CRLF1: variants seen among roughly 807,000 people sequenced by gnomAD.
CRLF1 encodes cytokine receptor like factor 1, also known as cytokine receptor-like factor 1.
CRLF1 carries 36 observed loss-of-function variants against 48.9 expected under a neutral mutation model. That is an observed-to-expected ratio of 0.74 (90% CI 0.56 to 0.97). The LOEUF (loss-of-function observed/expected upper bound fraction) is 0.97, where lower values mean the gene tolerates loss of function less well. Among genes scored for constraint, CRLF1 ranks in the 50% least tolerant of loss-of-function variants. The pLI, the probability that CRLF1 is intolerant of heterozygous loss-of-function variation, is 0.00. For missense variants in CRLF1, 534 were observed against 575.1 expected, an observed-to-expected ratio of 0.93 and a Z score of 0.73; for synonymous variants, 256 against 253.4, an observed-to-expected ratio of 1.01 and a Z score of -0.10.
In CRLF1 at chr19:18,598,593, C is replaced by T. The variant is rs754151928; in HGVS notation, c.536G>A (p.Gly179Asp). The change falls in exon 4 of 9, where the codon GGC (glycine) becomes GAC (aspartate). Residue 179 changes from glycine to aspartate, a missense_variant. Around this residue, in one of 2 missense-constraint regions of CRLF1, gnomAD observed 528 missense variants for 555.7 expected, o/e 0.95. Coordinates refer to ENST00000392386, the MANE Select transcript of CRLF1 (RefSeq NM_004750.5). ...YSLKYKLRWY[G>D]QDNTCEEYHT... ...GTACTCCTCACATGTGTTGTCCTGG[C>T]CATACCACCTGCGGGGATGGGAGGG... The T allele has an allele frequency of 3.1e-6, 5 of 1,613,990 alleles. No individual in the cohort carries two copies. The highest frequency in any genetic ancestry group is 4.2e-6 in the Non-Finnish European group (5 of 1,179,952).
intron 6 of CRLF1, among the ~76,000 whole-genome samples, chr19:18,596,230 T>C (rs1046040866): frequency 2.0e-5 from 3 of 152,128 alleles, no homozygotes; most frequent in Admixed American, 2.0e-4. Context: ...TTGAGACTTC[T>C]ACTCTCTTGG....
intron 6 of CRLF1, among the ~76,000 whole-genome samples, chr19:18,596,082 G>A (rs1227157263): frequency 6.6e-6 from 1 of 152,152 alleles, no homozygotes; most frequent in Non-Finnish European, 1.5e-5. Context: ...ATTTTTCTAG[G>A]GAATCTAGGA....
In CRLF1 at chr19:18,596,610, G is replaced by A. The variant is rs749087012; in HGVS notation, c.1024+12C>T. On this transcript the variant is annotated intron_variant, in intron 6 of 8. Coordinates refer to ENST00000392386, the MANE Select transcript of CRLF1 (RefSeq NM_004750.5). ...TGGCCGCTGGATCACCCAGCCCTAG[G>A]AGGGTGCTCACCACTGCGGGGAGTG... is the stretch of plus-strand genomic sequence containing the variant. 4 of 1,613,862 alleles carry A rather than the reference G, an allele frequency of 2.5e-6. No individual in the cohort carries two copies. The Admixed American group carries it at 5.0e-5, about 20-fold the overall frequency.
intron 8 of CRLF1, 33 bp downstream of exon 8, chr19:18,594,032 T>TGGGGCACC: frequency 2.9e-6 from 2 of 695,810 alleles, no homozygotes; most frequent in Non-Finnish European, 4.4e-6. Context: ...CTCCCCTTGC[T>TGGGGCACC]CCCTCCCGCC....
At chr19:18,602,576 C>G (rs1976233978) in intron 1 of CRLF1, among the ~76,000 whole-genome samples, 1 of 151,620 alleles carries the variant, frequency 6.6e-6, no homozygotes, top group Non-Finnish European at 1.5e-5. Context: ...CATGACTGCA[C>G]CACTGCACTC....
chr19:18,596,533 A>G (rs78616489), intron 6 of CRLF1, 89 bp downstream of exon 6: 8 of 1,314,224 alleles, frequency 6.1e-6, no homozygotes, highest in Non-Finnish European at 8.3e-6. Context: ...GTCTCAAAAG[A>G]AAAAAAAAAG....
chr19:18,596,697 C>T lies in CRLF1; in HGVS notation c.949G>A (p.Gly317Ser). The change falls in exon 6 of 9, where the codon GGC becomes AGC. Residue 317 changes from glycine to serine, a missense_variant. Physicochemically the swap from Gly to Ser is moderately conservative, Grantham distance 56. Around this residue, in one of 2 missense-constraint regions of CRLF1, gnomAD observed 528 missense variants for 555.7 expected, o/e 0.95. Coordinates refer to ENST00000392386, the MANE Select transcript of CRLF1 (RefSeq NM_004750.5). ...YFVQVRCNPF[G>S]IYGSKKAGIW... ...CCGGCTTTCTTGGAGCCATAGATGC[C>T]AAAGGGGTTGCAGCGCACTTGCACG... The T allele has an allele frequency of 1.2e-6, 2 of 1,614,074 alleles. No homozygotes were observed. Among genetic ancestry groups the T allele is most frequent in the Non-Finnish European group, 1.7e-6 (2 of 1,180,030 alleles).
Position 18,606,707 on chromosome 19 carries a change from G to A in CRLF1, c.-51C>T. On this transcript the variant is annotated 5_prime_UTR_variant, in exon 1 of 9. Coordinates refer to ENST00000392386, the MANE Select transcript of CRLF1 (RefSeq NM_004750.5). This position sits in a 1 kb window ranked among gnomAD's most constrained non-coding sequence, Gnocchi z 4.8. Reference sequence around the variant, plus strand: ...GGCGGGCTGCGGCTCGGCGGCGGTGGCGCAGGGCGCGGGACGCAGGCCGGG... The same window carrying A: ...GGCGGGCTGCGGCTCGGCGGCGGTGACGCAGGGCGCGGGACGCAGGCCGGG... 2 of 272,230 alleles carry A rather than the reference G, an allele frequency of 7.3e-6. No individual in the cohort carries two copies. Among genetic ancestry groups the A allele is most frequent in the Non-Finnish European group, 1.1e-5 (2 of 181,656 alleles). 16.9% of individuals were successfully genotyped at this position (272,230 alleles called of 1,614,324 possible). A position where few individuals can be genotyped will look rare whatever the true frequency, so the allele number is the denominator to read the frequency against.
chr19:18,593,716 TCC>T, intron 8 of CRLF1, 137 bp from the exon 9 acceptor site: 1 of 1,524,178 alleles, frequency 6.6e-7, no homozygotes, highest in Non-Finnish European at 8.8e-7. Context: ...CCTGCCCCTC[TCC>T]GGGCCTTGGC....
At chr19:18,598,313 G>T in intron 4 of CRLF1, 119 bp downstream of exon 4, 1 of 1,126,628 alleles carries the variant, frequency 8.9e-7, no homozygotes, top group Non-Finnish European at 1.3e-6. Context: ...GGGAGTTGCC[G>T]GGCTGGGGAG....
At chr19:18,605,312 C>T (rs951611294) in intron 1 of CRLF1, among the ~76,000 whole-genome samples, 17 of 152,320 alleles carry the variant, frequency 1.1e-4, no homozygotes, top group African/African-American at 4.1e-4. Flanking sequence ...AGGCTTTCAG[C>T]AAGTGCCCCT....
chr19:18,596,488 G>A, intron 6 of CRLF1, 134 bp downstream of exon 6: 3 of 1,112,488 alleles, frequency 2.7e-6, no homozygotes, highest in Non-Finnish European at 3.8e-6. Context: ...TGCAGTGAGT[G>A]CAGATCACAC....
Position 18,593,437 on chromosome 19 carries a change from T to G in CRLF1, c.*129A>C. 3.7e-6 allele frequency: 5 copies of G among 1,369,478 alleles called. No individual in the cohort carries two copies. The highest frequency in any genetic ancestry group is 5.0e-6 in the Non-Finnish European group (5 of 993,182). 84.8% of individuals were successfully genotyped at this position (1,369,478 alleles called of 1,614,324 possible). ...TCAGAGCTGTTATGGCCGTTGGAGC[T>G]CAGGGGCCACCCCAGCTCCTGCTGA... is the stretch of plus-strand genomic sequence containing the variant. On this transcript the variant is annotated 3_prime_UTR_variant, in exon 9 of 9. Transcript: ENST00000392386.
chr19:18,605,351 G>C (rs1976277564), intron 1 of CRLF1, among the ~76,000 whole-genome samples: 1 of 152,178 alleles, frequency 6.6e-6, no homozygotes, highest in Non-Finnish European at 1.5e-5. Flanking sequence ...GCCCCTTCCC[G>C]GAGGAGCCCT....
rs2145325230 is a variant in CRLF1, at chr19:18,593,463, G to A, written c.*103C>T. ...CAGGGGCCACCCCAGCTCCTGCTGAGGGTGGCTCAGGTGCCCTGAAGTGAG... is the reference window on the plus strand; with the variant it reads ...CAGGGGCCACCCCAGCTCCTGCTGAAGGTGGCTCAGGTGCCCTGAAGTGAG... On this transcript the variant is annotated 3_prime_UTR_variant, in exon 9 of 9. Transcript: ENST00000392386. The A allele has an allele frequency of 6.5e-7, 1 of 1,531,030 alleles. No homozygotes were observed. Among genetic ancestry groups the A allele is most frequent in the African/African-American group, 1.4e-5 (1 of 73,256 alleles). 94.8% of individuals were successfully genotyped at this position (1,531,030 alleles called of 1,614,324 possible).
intron 8 of CRLF1, 33 bp downstream of exon 8, chr19:18,594,032 T>TGGGGGCCCCCCCCC: frequency 1.4e-6 from 1 of 695,812 alleles, no homozygotes; most frequent in Non-Finnish European, 2.2e-6. Flanking sequence ...CTCCCCTTGC[T>TGGGGGCCCCCCCCC]CCCTCCCGCC....
At chr19:18,594,502 A>G in intron 6 of CRLF1, 68 bp from the exon 7 acceptor site, 1 of 1,203,012 alleles carries the variant, frequency 8.3e-7, no homozygotes, top group Non-Finnish European at 1.1e-6. Flanking sequence ...AGGAGAGGGG[A>G]GACCCCGGCG....
intron 8 of CRLF1, 77 bp from the exon 9 acceptor site, chr19:18,593,656 C>T (rs967153436): frequency 1.3e-6 from 2 of 1,554,972 alleles, no homozygotes; most frequent in Admixed American, 1.9e-5. Flanking sequence ...AAGGAGGCTT[C>T]ATTCGTGTCC....
intron 1 of CRLF1, among the ~76,000 whole-genome samples, chr19:18,604,651 CA>C (rs1371418039): frequency 1.3e-5 from 2 of 152,078 alleles, no homozygotes; most frequent in African/African-American, 4.8e-5. Flanking sequence ...GCGCTGGGGA[CA>C]GAGATGCACG....
Sources: gnomAD v4.1 joint callset for allele counts (sites outside exome capture counted in the v4.1 genomes callset) on GRCh38, gnomAD v4.1.1 for gene constraint, gnomAD v4.1.1 regional missense constraint, Gnocchi (gnomAD v3.1) non-coding constraint, MANE v1.5 for transcripts, NCBI Gene and HGNC (gene_info 2026-07-23, HGNC 2026-07-21) for gene names.